The following CYP4F2 variants were observed in gnomAD, a reference collection of about 807,000 sequenced individuals.
CYP4F2 encodes cytochrome P450 family 4 subfamily F member 2, also known as cytochrome P450 4F2.
CYP4F2 carries 58 observed loss-of-function variants against 58.9 expected under a neutral mutation model. That is an observed-to-expected ratio of 0.98 (90% CI 0.80 to 1.23). The LOEUF is 1.23. CYP4F2 is among the 50% of genes most tolerant of loss of function. The probability of loss-of-function intolerance (pLI) is 0.00; values close to 1 mark genes in which losing one functional copy is unlikely to be tolerated. For missense variants in CYP4F2, 616 were observed against 685.6 expected, an observed-to-expected ratio of 0.90 and a Z score of 1.13; for synonymous variants, 287 against 261.1, an observed-to-expected ratio of 1.10 and a Z score of -0.95.
Position 15,879,905 on chromosome 19 carries a change from AAC to A in CYP4F2, c.1116-10_1116-9del, listed in dbSNP as rs1343747832. On this transcript the variant is annotated splice_polypyrimidine_tract_variant and intron_variant, in intron 9 of 12. Transcript: ENST00000221700. The stretch of plus-strand genomic sequence containing the variant: ...AAATGGGCCAGGTCGTCCCTAAGGA[AAC>A]ACCCCAGCCCCAATCCTTATCAAGG... The A allele has an allele frequency of 6.2e-7, 1 of 1,613,992 alleles. No individual in the cohort carries two copies. Among genetic ancestry groups the A allele is most frequent in the Non-Finnish European group, 8.5e-7 (1 of 1,180,024 alleles).
chr19:15,894,483 A>C (rs903566866), intron 3 of CYP4F2, among the ~76,000 whole-genome samples: 2 of 152,172 alleles, frequency 1.3e-5, no homozygotes, highest in Non-Finnish European at 2.9e-5. Context: ...TTGATAGGAA[A>C]AGCGACATGG....
intron 11 of CYP4F2, 39 bp from the exon 12 acceptor site, chr19:15,879,467 C>A (rs2089329208): frequency 6.2e-7 from 1 of 1,612,604 alleles, no homozygotes; most frequent in Non-Finnish European, 8.5e-7. Context: ...GGTGGGGTCT[C>A]CCAGTCCGCC....
intron 6 of CYP4F2, 68 bp downstream of exon 6, chr19:15,890,244 T>C: frequency 6.2e-7 from 1 of 1,611,126 alleles, no homozygotes; most frequent in Non-Finnish European, 8.5e-7. Context: ...CCCTGCTTAG[T>C]CCTCCCTCTC....
At chr19:15,894,113 G>A (rs1344685611) in intron 3 of CYP4F2, among the ~76,000 whole-genome samples, 1 of 152,116 alleles carries the variant, frequency 6.6e-6, no homozygotes, top group East Asian at 1.9e-4. Context: ...CATGTTCCCT[G>A]GGCTCTCATT....
chr19:15,881,542 A>G (rs1449873432), intron 9 of CYP4F2, among the ~76,000 whole-genome samples: 2 of 150,894 alleles, frequency 1.3e-5, no homozygotes, highest in Non-Finnish European at 2.9e-5. Flanking sequence ...GTAGATAGGT[A>G]TATAGATACA....
intron 7 of CYP4F2, chr19:15,886,515 C>T (rs2089381289): frequency 1.7e-6 from 1 of 585,310 alleles, no homozygotes; most frequent in East Asian, 2.9e-5. Context: ...TCCTTGCCTC[C>T]TCTTGGGTTC....
Position 15,889,758 on chromosome 19 carries a change from C to A in CYP4F2, c.648-65G>T, listed in dbSNP as rs190025925. ...TACCTGAAGCCCCAGGATCACCTCC[C>A]ACCAGCAGCCAGGATCTACCTCCTA... is the stretch of plus-strand genomic sequence containing the variant. On this transcript the variant is annotated intron_variant, in intron 6 of 12. Coordinates refer to ENST00000221700, the MANE Select transcript of CYP4F2 (RefSeq NM_001082.5). 489 of 1,583,818 alleles carry A rather than the reference C, an allele frequency of 3.1e-4. 3 individuals carry two copies. In the African/African-American group the frequency reaches 5.5e-3, roughly 18 times the overall value.
chr19:15,890,084 T>C (rs1385803115), intron 6 of CYP4F2, among the ~76,000 whole-genome samples: 1 of 152,198 alleles, frequency 6.6e-6, no homozygotes, highest in African/African-American at 2.4e-5. Flanking sequence ...CTCCATTTAG[T>C]GCTACATTAG....
intron 8 of CYP4F2, 66 bp downstream of exon 8, chr19:15,886,176 T>C (rs2089378229): frequency 1.2e-5 from 20 of 1,611,196 alleles, no homozygotes; most frequent in East Asian, 4.5e-5. Context: ...TGTGGGGGTC[T>C]ACCCACCCTG....
chr19:15,892,574 C>T lies in CYP4F2; in HGVS notation c.352G>A (p.Ala118Thr), dbSNP rs745931464. The T allele has an allele frequency of 1.2e-6, 2 of 1,613,924 alleles. No individual in the cohort carries two copies. The highest frequency in any genetic ancestry group is 2.2e-5 in the South Asian group (2 of 91,052). The change falls in exon 4 of 13, where the codon GCA becomes ACA. Residue 118 changes from alanine to threonine, a missense_variant. Ala to Thr is a moderately conservative substitution (Grantham distance 58). Coordinates refer to ENST00000221700, the MANE Select transcript of CYP4F2 (RefSeq NM_001082.5). ...CTGTAGAAGAACTTGTCCTTTGGTG[C>T]AATGGCAGCTGACATAAATGAGGAC... Reference protein sequence around the residue: ...RSVINASAAIAPKDKFFYSFL... With the variant: ...RSVINASAAITPKDKFFYSFL...
At chr19:15,896,409 T>C (rs985607254) in intron 2 of CYP4F2, among the ~76,000 whole-genome samples, 4 of 152,138 alleles carry the variant, frequency 2.6e-5, no homozygotes, top group Admixed American at 2.6e-4. Flanking sequence ...GAGGCCCAGT[T>C]ATCTTGAGAG....
intron 7 of CYP4F2, 108 bp downstream of exon 7, chr19:15,889,315 C>T: frequency 1.3e-6 from 2 of 1,590,872 alleles, no homozygotes; most frequent in Non-Finnish European, 1.7e-6. Context: ...TCCTCAATCA[C>T]CTTCCATGGC....
rs1394710084 is a variant in CYP4F2 at position 15,889,441 on chromosome 19, A to G, written c.900T>C (p.Asp300=). The G allele has an allele frequency of 4.3e-6, 7 of 1,614,154 alleles. No individual in the cohort carries two copies. The highest frequency in any genetic ancestry group is 5.9e-6 in the Non-Finnish European group (7 of 1,180,018). Residue 300 remains aspartate, a synonymous_variant, in exon 7 of 13, where the codon GAT becomes GAC. Transcript: ENST00000221700. ...KAKSKTLDFI[D]VLLLSKDEDG... ...GGCCCACCTTGCTCAGCAGGAGTAC[A>G]TCAATGAAGTCCAAAGTCTTGGATT...
chr19:15,886,363 A>G (rs2089380546), intron 7 of CYP4F2, 55 bp from the exon 8 acceptor site: 2 of 1,460,598 alleles, frequency 1.4e-6, no homozygotes, highest in East Asian at 3.1e-5. Context: ...AAGTCACACT[A>G]GCTCTAAGGG....
intron 9 of CYP4F2, among the ~76,000 whole-genome samples, chr19:15,880,586 C>T (rs2089338515): frequency 1.3e-5 from 2 of 151,662 alleles, no homozygotes; most frequent in African/African-American, 4.8e-5. Flanking sequence ...TGAGATCACA[C>T]CACTGCACTC....
intron 9 of CYP4F2, among the ~76,000 whole-genome samples, chr19:15,882,395 A>G (rs1310324947): frequency 1.3e-5 from 2 of 152,192 alleles, no homozygotes; most frequent in Admixed American, 6.5e-5. Context: ...AGTTTTTGAG[A>G]TCTACTGCAC....
In CYP4F2 at chr19:15,890,410, T is replaced by C; in HGVS notation, c.549A>G (p.Ser183=). The C allele has an allele frequency of 6.2e-7, 1 of 1,614,070 alleles. No homozygotes were observed. Among genetic ancestry groups the C allele is most frequent in the Non-Finnish European group, 8.5e-7 (1 of 1,179,980 alleles). Reference sequence around the variant, plus strand: ...ACATATCCAAACAGGCACTACCCTCTGAGGCCAGGAGCTGCCACTTGGCCT... The same window carrying C: ...ACATATCCAAACAGGCACTACCCTCCGAGGCCAGGAGCTGCCACTTGGCCT... ...IMHAKWQLLA[S]EGSACLDMFE... Residue 183 remains serine, a synonymous_variant, in exon 6 of 13, where the codon TCA becomes TCG. Transcript: ENST00000221700.
At chr19:15,885,550 G>A (rs367792031) in intron 9 of CYP4F2, among the ~76,000 whole-genome samples, 12 of 152,152 alleles carry the variant, frequency 7.9e-5, no homozygotes, top group African/African-American at 2.9e-4. Context: ...CCCTGGACTC[G>A]ACTGGAGAGT....
intron 9 of CYP4F2, among the ~76,000 whole-genome samples, chr19:15,880,694 C>CA (rs758450018): frequency 1.3e-5 from 2 of 151,390 alleles, no homozygotes; most frequent in Non-Finnish European, 2.9e-5. Flanking sequence ...AGAAAAAGAG[C>CA]AAAAAAATAA....
Sources: gnomAD v4.1 joint callset for allele counts (sites outside exome capture counted in the v4.1 genomes callset) on GRCh38, gnomAD v4.1.1 for gene constraint, MANE v1.5 for transcripts, NCBI Gene and HGNC (gene_info 2026-07-23, HGNC 2026-07-21) for gene names.